Variants in COMMD10 observed in about 807,000 individuals in gnomAD.
The protein encoded by COMMD10 is COMM domain-containing protein 10.
A neutral mutation model predicts 28.9 loss-of-function variants in COMMD10; 33 were observed. The ratio of observed to expected loss-of-function variants is 1.14; its 90% CI spans 0.87 to 1.53. The LOEUF (loss-of-function observed/expected upper bound fraction) is 1.53, where lower values mean the gene tolerates loss of function less well. Among genes scored for constraint, COMMD10 ranks in the 40% most tolerant of loss-of-function variants. COMMD10 has a pLI of 0.00. For synonymous variants in COMMD10, 110 were observed against 81.7 expected (o/e 1.35, Z -1.87); for missense variants, 310 against 233.4 (o/e 1.33, Z -2.14).
At chr5:116,245,038 G>C (rs914061658) in intron 5 of COMMD10, among the ~76,000 whole-genome samples, 1 of 102,634 alleles carries the variant, frequency 9.7e-6, no homozygotes, top group Non-Finnish European at 2.1e-5. Flanking sequence ...CATAAATCCA[G>C]GAGCTGGTTT....
rs146943017 is a variant in COMMD10, at chr5:116,140,281, A to G, written c.510+6103A>G. On this transcript the variant is annotated intron_variant, in intron 5 of 6. Transcript: ENST00000274458. ...TATGTGTCTGTCTGTATATATGTCT[A>G]TGCGTATATATATGTACACATATGG... is the stretch of plus-strand genomic sequence containing the variant. Among the ~76,000 whole-genome samples, 972 of 142,404 alleles carry G rather than the reference A, an allele frequency of 6.8e-3. 2 individuals carry two copies. Among genetic ancestry groups the G allele is most frequent in the South Asian group, 0.012 (57 of 4,722 alleles). 93.4% of individuals were successfully genotyped at this position (142,404 alleles called of 152,430 possible).
chr5:116,254,780 T>A (rs924315955), intron 5 of COMMD10, among the ~76,000 whole-genome samples: 4 of 151,822 alleles, frequency 2.6e-5, no homozygotes, highest in African/African-American at 9.7e-5. Flanking sequence ...TTCTGTTGAT[T>A]TGGGGTGGAG....
chr5:116,131,115 A>G (rs1191338899), intron 4 of COMMD10, among the ~76,000 whole-genome samples: 2 of 151,922 alleles, frequency 1.3e-5, no homozygotes, highest in African/African-American at 2.4e-5. Context: ...CACTAACTCA[A>G]TATTTGACAA....
intron 5 of COMMD10, among the ~76,000 whole-genome samples, chr5:116,268,309 T>C (rs1750656606): frequency 1.3e-5 from 2 of 151,782 alleles, no homozygotes; most frequent in Admixed American, 6.6e-5. Flanking sequence ...CAGACACTTC[T>C]CAAAAGAAGA....
intron 5 of COMMD10, among the ~76,000 whole-genome samples, chr5:116,137,657 C>T (rs79929225): frequency 0.077 from 11,632 of 151,912 alleles, 792 homozygotes; most frequent in African/African-American, 0.19. Context: ...ATAAGGAGCT[C>T]CTTATCTTCT....
chr5:116,159,277 T>C (rs1301132551), intron 5 of COMMD10, among the ~76,000 whole-genome samples: 1 of 152,226 alleles, frequency 6.6e-6, no homozygotes, highest in Admixed American at 6.5e-5. Flanking sequence ...CACTCTGTTA[T>C]GACCATAGAA....
At chr5:116,217,800 G>T (rs1749143072) in intron 5 of COMMD10, among the ~76,000 whole-genome samples, 1 of 151,974 alleles carries the variant, frequency 6.6e-6, no homozygotes, top group African/African-American at 2.4e-5. Context: ...CTCAAAACTA[G>T]AAGGGAAAAG....
intron 5 of COMMD10, among the ~76,000 whole-genome samples, chr5:116,261,242 G>T (rs1351089364): frequency 6.6e-6 from 1 of 151,746 alleles, no homozygotes; most frequent in Non-Finnish European, 1.5e-5. Flanking sequence ...GTTCATAACT[G>T]TATATTGAAC....
intron 5 of COMMD10, among the ~76,000 whole-genome samples, chr5:116,144,693 G>C (rs762353556): frequency 6.6e-6 from 1 of 151,862 alleles, no homozygotes; most frequent in Non-Finnish European, 1.5e-5. Flanking sequence ...TTGTAAAATG[G>C]ACTTCTCTGA....
chr5:116,232,049 A>G (rs1941979327), intron 5 of COMMD10, among the ~76,000 whole-genome samples: 1 of 152,130 alleles, frequency 6.6e-6, no homozygotes, highest in African/African-American at 2.4e-5. Context: ...CACTGAACTG[A>G]ATTTTGTATG....
At chr5:116,204,928 T>G (rs1301202719) in intron 5 of COMMD10, among the ~76,000 whole-genome samples, 1 of 152,146 alleles carries the variant, frequency 6.6e-6, no homozygotes. Flanking sequence ...GGATATAGTC[T>G]GATCACTCTC....
intron 5 of COMMD10, among the ~76,000 whole-genome samples, chr5:116,200,675 GA>G (rs1239466011): frequency 6.6e-6 from 1 of 151,986 alleles, no homozygotes; most frequent in Non-Finnish European, 1.5e-5. Flanking sequence ...TTCAAGCTCA[GA>G]GGTTCTTTCC....
chr5:116,263,083 A>G (rs1041001721), intron 5 of COMMD10, among the ~76,000 whole-genome samples: 3 of 151,836 alleles, frequency 2.0e-5, no homozygotes, highest in Non-Finnish European at 2.9e-5. Flanking sequence ...TTAAAATGCT[A>G]TGGTTGTGTA....
At chr5:116,163,254 G>A (rs916823693) in intron 5 of COMMD10, among the ~76,000 whole-genome samples, 3 of 151,186 alleles carry the variant, frequency 2.0e-5, no homozygotes, top group African/African-American at 7.3e-5. Flanking sequence ...AAAAAGTATT[G>A]GCGTTTTCTT....
intron 5 of COMMD10, among the ~76,000 whole-genome samples, chr5:116,164,907 T>C (rs1272313759): frequency 6.6e-6 from 1 of 152,172 alleles, no homozygotes; most frequent in Middle Eastern, 3.2e-3. Context: ...AGCCCTGGAA[T>C]TTGTCTGAAG....
intron 5 of COMMD10, among the ~76,000 whole-genome samples, chr5:116,194,614 A>T (rs1225181166): frequency 6.6e-6 from 1 of 152,140 alleles, no homozygotes; most frequent in African/African-American, 2.4e-5. Context: ...TTAGCTGCTT[A>T]CATCAGGAAG....
chr5:116,155,690 A>G (rs1182137469), intron 5 of COMMD10, among the ~76,000 whole-genome samples: 4 of 151,916 alleles, frequency 2.6e-5, no homozygotes, highest in African/African-American at 7.2e-5. Flanking sequence ...TCCCCTCCAT[A>G]TGTGTTGATT....
chr5:116,180,042 A>G (rs76613992), intron 5 of COMMD10, among the ~76,000 whole-genome samples: 3,188 of 152,202 alleles, frequency 0.021, 81 homozygotes, highest in Non-Finnish European at 0.029. Context: ...TAAAAAGATT[A>G]TTACTCAGTA....
At chr5:116,266,469 T>C (rs1173926303) in intron 5 of COMMD10, among the ~76,000 whole-genome samples, 4 of 151,764 alleles carry the variant, frequency 2.6e-5, no homozygotes, top group Non-Finnish European at 4.4e-5. Context: ...ATGGATATTG[T>C]TTTTTACATC....
Sources: gnomAD v4.1 joint callset for allele counts (sites outside exome capture counted in the v4.1 genomes callset) on GRCh38, gnomAD v4.1.1 for gene constraint, MANE v1.5 for transcripts, NCBI Gene and HGNC (gene_info 2026-07-23, HGNC 2026-07-21) for gene names.